Variants in NLRP14 observed in about 807,000 individuals in gnomAD.
NLRP14 encodes the protein NACHT, LRR and PYD domains-containing protein 14.
In NLRP14, 105 loss-of-function variants were observed where a neutral mutation model predicts 94.7. That is an observed-to-expected ratio of 1.11 (90% CI 0.95 to 1.30). The LOEUF is 1.30. NLRP14 is among the 50% of genes most tolerant of loss of function. NLRP14 has a pLI of 0.00. For missense variants in NLRP14, 1,362 were observed against 1,254.1 expected, an observed-to-expected ratio of 1.09 and a Z score of -1.30; for synonymous variants, 508 against 459.9, an observed-to-expected ratio of 1.10 and a Z score of -1.34.
chr11:7,031,352 G>A (rs1852092417), intron 1 of NLRP14, among the ~76,000 whole-genome samples: 1 of 152,154 alleles, frequency 6.6e-6, no homozygotes, highest in South Asian at 2.1e-4. Context: ...TGGACTCAGG[G>A]CCCAAGAGGA....
At chr11:7,033,623 T>G (rs1852125020) in intron 1 of NLRP14, among the ~76,000 whole-genome samples, 1 of 152,246 alleles carries the variant, frequency 6.6e-6, no homozygotes, top group Non-Finnish European at 1.5e-5. Context: ...TTTTATTAAT[T>G]TACACTTCAG....
At chr11:7,022,202 A>G (rs530887456) in intron 1 of NLRP14, among the ~76,000 whole-genome samples, 5 of 152,264 alleles carry the variant, frequency 3.3e-5, no homozygotes, top group Admixed American at 3.3e-4. Flanking sequence ...TGGAAGCTAC[A>G]TTTTGAAAAT....
intron 10 of NLRP14, among the ~76,000 whole-genome samples, chr11:7,065,761 C>T (rs1049413085): frequency 1.3e-5 from 2 of 151,806 alleles, no homozygotes; most frequent in Non-Finnish European, 2.9e-5. Context: ...GCAGAATGTG[C>T]AGGTTTGTTA....
In NLRP14 at chr11:7,026,904, A is replaced by G. The variant is rs929179226; in HGVS notation, c.-22+6134A>G. 4.6e-5 allele frequency among the ~76,000 whole-genome samples: 7 copies of G among 152,132 alleles called. No individual in the cohort carries two copies. The South Asian group carries it at 1.2e-3, about 27-fold the overall frequency. On this transcript the variant is annotated intron_variant, in intron 1 of 11. Transcript: ENST00000299481. ...TGCAGCACACCAGCATGGCACATGTATACGTATGTAACTAACCTGCACATT... is the reference window on the plus strand; with the variant it reads ...TGCAGCACACCAGCATGGCACATGTGTACGTATGTAACTAACCTGCACATT...
the NLRP14 span, among the ~76,000 whole-genome samples, chr11:7,076,905 A>G: frequency 6.6e-6 from 1 of 152,244 alleles, no homozygotes; most frequent in African/African-American, 2.4e-5. Flanking sequence ...AAGAATGAAT[A>G]GAAGCAAAAG....
Position 7,062,323 on chromosome 11 carries a change from A to G in NLRP14, c.2805-10A>G. On this transcript the variant is annotated splice_polypyrimidine_tract_variant and intron_variant, in intron 9 of 11. Coordinates refer to ENST00000299481, the MANE Select transcript of NLRP14 (RefSeq NM_176822.4). ...GGAAGGATTCACTTTTCCTATTGTA[A>G]TTCTTACAGATTGATGGGCTGTGTT... 1.2e-6 allele frequency: 2 copies of G among 1,610,668 alleles called. No individual in the cohort carries two copies. The highest frequency in any genetic ancestry group is 1.7e-6 in the Non-Finnish European group (2 of 1,177,160).
intron 6 of NLRP14, 58 bp downstream of exon 6, chr11:7,049,896 C>G (rs1288850847): frequency 7.2e-7 from 1 of 1,392,842 alleles, no homozygotes; most frequent in Non-Finnish European, 1.0e-6. Context: ...TTTGTCTATC[C>G]AAGTAGACTC....
At chr11:7,028,649 T>C (rs1422934610) in intron 1 of NLRP14, among the ~76,000 whole-genome samples, 1 of 152,214 alleles carries the variant, frequency 6.6e-6, no homozygotes, top group Non-Finnish European at 1.5e-5. Flanking sequence ...TCTCTCTTCC[T>C]ACCTTTCTCA....
At chr11:7,054,242 A>G (rs1278802496) in intron 6 of NLRP14, among the ~76,000 whole-genome samples, 4 of 152,122 alleles carry the variant, frequency 2.6e-5, no homozygotes, top group African/African-American at 9.7e-5. Flanking sequence ...AATCTTGGCT[A>G]TTGTGAATAG....
At chr11:7,080,521 T>C in the NLRP14 span, among the ~76,000 whole-genome samples, 4 of 152,214 alleles carry the variant, frequency 2.6e-5, no homozygotes, top group Non-Finnish European at 4.4e-5. Flanking sequence ...CAGGCTTTTA[T>C]TGATGCTATT....
chr11:7,057,675 A>G lies in NLRP14; in HGVS notation c.2292-2A>G. 1 of 1,611,826 alleles carries G rather than the reference A, an allele frequency of 6.2e-7. No individual in the cohort carries two copies. ...TTCCTGCTTTTCTGTGTTGTTTTCC[A>G]GGCTGGAATCTTGCAACCTAACTGT... On this transcript the variant is annotated splice_acceptor_variant, in intron 6 of 11. Transcript: ENST00000299481. LOFTEE classifies it high-confidence loss of function.
chr11:7,090,890 A>G, the NLRP14 span: 1 of 171,068 alleles, frequency 5.8e-6, no homozygotes, highest in African/African-American at 2.4e-5. Context: ...GTAAATGGAT[A>G]ATGTTGGCCA....
At position 7,028,930 on chromosome 11, in the gene NLRP14, TA is replaced by T. The variant is rs201476411; in HGVS notation, c.-22+8162del. 2.2e-4 allele frequency among the ~76,000 whole-genome samples: 33 copies of T among 152,252 alleles called. No individual in the cohort carries two copies. In the East Asian group the frequency reaches 6.4e-3, roughly 29 times the overall value. ...GAAAGATCAATACCCACTAAATAAA[TA>T]AGTAAAATTATTTATTGGGTGAGAG... On this transcript the variant is annotated intron_variant, in intron 1 of 11. Transcript: ENST00000299481.
At chr11:7,088,912 G>C in the NLRP14 span, 8 of 608,014 alleles carry the variant, frequency 1.3e-5, no homozygotes, top group Non-Finnish European at 2.3e-5. Context: ...CGACTTTCCC[G>C]ACGGCGAATT....
At position 7,037,235 on chromosome 11, in the gene NLRP14, T is replaced by C. The variant is rs189224274; in HGVS notation, c.-21-1331T>C. Among the ~76,000 whole-genome samples the C allele has an allele frequency of 7.6e-4, 116 of 152,338 alleles. 2 individuals are homozygous for C. The East Asian group carries it at 0.021, about 27-fold the overall frequency. Reference sequence around the variant, plus strand: ...ACTATAGGACTTGTTTTTGTCAGATTTATCTGTAATCTAGAATATTTTTAC... The same window carrying C: ...ACTATAGGACTTGTTTTTGTCAGATCTATCTGTAATCTAGAATATTTTTAC... On this transcript the variant is annotated intron_variant, in intron 1 of 11. Coordinates refer to ENST00000299481, the MANE Select transcript of NLRP14 (RefSeq NM_176822.4).
In NLRP14 at chr11:7,046,651, C is replaced by A; in HGVS notation, c.1959-17C>A. The A allele has an allele frequency of 6.2e-7, 1 of 1,609,512 alleles. No individual in the cohort carries two copies. Among genetic ancestry groups the A allele is most frequent in the Non-Finnish European group, 8.5e-7 (1 of 1,175,858 alleles). ...AAAATCAGCATTGTTTTTCTTTTCT[C>A]AATTATTTATGCAAAGGGATGGTGA... On this transcript the variant is annotated splice_polypyrimidine_tract_variant and intron_variant, in intron 4 of 11. Transcript: ENST00000299481.
chr11:7,071,749 A>G (rs1852803581), downstream of NLRP14, among the ~76,000 whole-genome samples: 1 of 150,724 alleles, frequency 6.6e-6, no homozygotes, highest in Non-Finnish European at 1.5e-5. Context: ...TCACTTGGGT[A>G]TCCGTCTTAA....
chr11:7,031,063 G>C (rs907203793), intron 1 of NLRP14, among the ~76,000 whole-genome samples: 7 of 152,212 alleles, frequency 4.6e-5, no homozygotes, highest in Non-Finnish European at 7.3e-5. Context: ...CCCTCTTAGC[G>C]GGTTTGCTCT....
chr11:7,061,686 G>A (rs1852624287), intron 9 of NLRP14, among the ~76,000 whole-genome samples: 1 of 152,094 alleles, frequency 6.6e-6, no homozygotes, highest in Non-Finnish European at 1.5e-5. Flanking sequence ...GGACTTCTCA[G>A]TGGAGACAGA....
Sources: gnomAD v4.1 joint callset for allele counts (sites outside exome capture counted in the v4.1 genomes callset) on GRCh38, gnomAD v4.1.1 for gene constraint, MANE v1.5 for transcripts, NCBI Gene and HGNC (gene_info 2026-07-23, HGNC 2026-07-21) for gene names.